ACACA: variants seen among roughly 807,000 people sequenced by gnomAD.
The protein encoded by ACACA is acetyl-CoA carboxylase alpha, also known as acetyl-CoA carboxylase 1.
ACACA carries 103 observed loss-of-function variants against 296.1 expected under a neutral mutation model. The ratio of observed to expected loss-of-function variants is 0.35; its 90% confidence interval spans 0.30 to 0.41. ACACA has a LOEUF of 0.41. Ranked by LOEUF, ACACA falls within the 10% of genes least tolerant of loss-of-function variation. The pLI, the probability that ACACA is intolerant of heterozygous loss-of-function variation, is 1.00. For synonymous variants in ACACA, 953 were observed against 1,038.6 expected (o/e 0.92, Z 1.58); for missense variants, 1,554 against 2,989.7 (o/e 0.52, Z 11.20).
At chr17:37,150,654 G>A (rs560262810) in intron 44 of ACACA, among the ~76,000 whole-genome samples, 1 of 152,124 alleles carries the variant, frequency 6.6e-6, no homozygotes, top group Admixed American at 6.5e-5. Flanking sequence ...CCTGGAAGCT[G>A]AGGTAGGAGG....
chr17:37,120,718 G>T (rs2074487535), intron 50 of ACACA, among the ~76,000 whole-genome samples: 1 of 152,186 alleles, frequency 6.6e-6, no homozygotes, highest in South Asian at 2.1e-4. Context: ...GTAAGAGGTA[G>T]TGTTTCCTTT....
intron 5 of ACACA, among the ~76,000 whole-genome samples, chr17:37,280,288 G>A (rs1321561477): frequency 1.3e-5 from 2 of 152,028 alleles, no homozygotes; most frequent in African/African-American, 2.4e-5. Context: ...GGCTCACTGC[G>A]ACCTCGACCT....
At chr17:37,287,800 ACTTT>A (rs1282776956) in intron 3 of ACACA, among the ~76,000 whole-genome samples, 94 of 151,934 alleles carry the variant, frequency 6.2e-4, no homozygotes, top group Non-Finnish European at 1.0e-3. Context: ...TCTAGCAGCT[ACTTT>A]GCCTACTAGA....
chr17:37,406,102 C>T (rs1379131449), intron 1 of ACACA, among the ~76,000 whole-genome samples, 160 bp downstream of exon 1: 3 of 152,068 alleles, frequency 2.0e-5, no homozygotes, highest in African/African-American at 7.2e-5. Flanking sequence ...ATTTCTTCAC[C>T]TGGAAAATAG....
intron 1 of ACACA, among the ~76,000 whole-genome samples, chr17:37,358,042 G>A (rs1047291148): frequency 2.6e-5 from 4 of 152,108 alleles, no homozygotes; most frequent in African/African-American, 9.7e-5. Context: ...CTGAAACATC[G>A]CTTAAGTAGA....
chr17:37,306,168 A>C (rs2083877196), intron 3 of ACACA, among the ~76,000 whole-genome samples: 2 of 152,110 alleles, frequency 1.3e-5, no homozygotes, highest in African/African-American at 4.8e-5. Context: ...TCGGCCTCCC[A>C]AAGTGCTGGG....
chr17:37,091,383 AT>A (rs1365392834), intron 54 of ACACA, among the ~76,000 whole-genome samples: 5 of 152,236 alleles, frequency 3.3e-5, no homozygotes, highest in African/African-American at 1.2e-4. Context: ...ACCCCAGTGG[AT>A]TACAGCCTAG....
At chr17:37,212,963 T>G (rs1363415465) in intron 29 of ACACA, among the ~76,000 whole-genome samples, 1 of 149,832 alleles carries the variant, frequency 6.7e-6, no homozygotes, top group Non-Finnish European at 1.5e-5. Flanking sequence ...GAGTCAAATA[T>G]TCCATTTATG....
chr17:37,237,118 A>C (rs558364697), intron 24 of ACACA, among the ~76,000 whole-genome samples: 8 of 152,244 alleles, frequency 5.3e-5, no homozygotes, highest in African/African-American at 1.9e-4. Context: ...ACCTGAAAAA[A>C]ATGGAATCAC....
At chr17:37,356,627 C>T (rs183644982) in intron 1 of ACACA, among the ~76,000 whole-genome samples, 13 of 151,982 alleles carry the variant, frequency 8.6e-5, no homozygotes, top group Admixed American at 4.6e-4. Context: ...ATTCGCCAGC[C>T]TCGACCTCTC....
At chr17:37,379,152 C>T in intron 1 of ACACA, 7 of 1,613,294 alleles carry the variant, frequency 4.3e-6, no homozygotes, top group Non-Finnish European at 4.2e-6. Context: ...CACACAGAAA[C>T]CAAAAGGACA....
intron 10 of ACACA, among the ~76,000 whole-genome samples, chr17:37,265,021 C>T (rs2081691361): frequency 6.6e-6 from 1 of 152,290 alleles, no homozygotes; most frequent in African/African-American, 2.4e-5. Context: ...TGGAATCGTT[C>T]ATCTCCAATG....
intron 54 of ACACA, among the ~76,000 whole-genome samples, chr17:37,093,677 T>C (rs2142583019): frequency 6.6e-6 from 1 of 152,238 alleles, no homozygotes; most frequent in South Asian, 2.1e-4. Context: ...TTAAAATTTT[T>C]TGTGAAGACA....
At chr17:37,376,559 G>A (rs1191783102) in intron 1 of ACACA, among the ~76,000 whole-genome samples, 1 of 152,192 alleles carries the variant, frequency 6.6e-6, no homozygotes, top group African/African-American at 2.4e-5. Flanking sequence ...AGAGCTGAGG[G>A]AAAGGGTGAT....
chr17:37,189,564 C>T (rs1457985038), intron 38 of ACACA, among the ~76,000 whole-genome samples: 1 of 152,094 alleles, frequency 6.6e-6, no homozygotes, highest in Non-Finnish European at 1.5e-5. Flanking sequence ...AGCTATCTAT[C>T]ATTAGAAAAG....
chr17:37,108,451 C>T (rs1390668490), intron 52 of ACACA, among the ~76,000 whole-genome samples: 1 of 151,744 alleles, frequency 6.6e-6, no homozygotes, highest in Non-Finnish European at 1.5e-5. Context: ...TGCAATGGCG[C>T]GATCTCGGCT....
intron 43 of ACACA, among the ~76,000 whole-genome samples, chr17:37,151,694 G>A (rs923676782): frequency 5.3e-5 from 8 of 151,918 alleles, no homozygotes; most frequent in Non-Finnish European, 7.4e-5. Context: ...GCGGAGTCTC[G>A]CTCTATTGGC....
At chr17:37,390,140 G>GTATATATATA (rs1243535532) in intron 1 of ACACA, among the ~76,000 whole-genome samples, 24 of 34,614 alleles carry the variant, frequency 6.9e-4, no homozygotes, top group African/African-American at 1.7e-3. Context: ...AAAAAAAAAA[G>GTATATATATA]TATATATATA....
At chr17:37,372,974 G>A (rs551945330) in intron 1 of ACACA, among the ~76,000 whole-genome samples, 2 of 151,808 alleles carry the variant, frequency 1.3e-5, no homozygotes, top group South Asian at 2.1e-4. Flanking sequence ...TCCGCCTCCC[G>A]GGTTCAAGTG....
Sources: allele counts gnomAD v4.1 joint callset (sites outside exome capture counted in the v4.1 genomes callset), GRCh38; gene constraint gnomAD v4.1.1; transcripts MANE v1.5; gene names NCBI Gene and HGNC (gene_info 2026-07-23, HGNC 2026-07-21).